The following CHST11 variants were observed in gnomAD, a reference collection of about 807,000 sequenced individuals.
CHST11 encodes C4S-1.
In CHST11, 9 loss-of-function variants were observed where a neutral mutation model predicts 30.4. The observed-to-expected ratio is 0.30, with a 90% confidence interval of 0.18 to 0.52. The LOEUF (loss-of-function observed/expected upper bound fraction) is 0.52. Among genes scored for constraint, CHST11 ranks in the 20% least tolerant of loss-of-function variants. The probability of loss-of-function intolerance (pLI) is 0.97; values close to 1 mark genes in which losing one functional copy is unlikely to be tolerated. For missense variants in CHST11, 348 were observed against 460.6 expected, an observed-to-expected ratio of 0.76 and a Z score of 2.24; for synonymous variants, 152 against 187.8, an observed-to-expected ratio of 0.81 and a Z score of 1.56.
chr12:104,556,348 C>T (rs1162318532), intron 1 of CHST11, among the ~76,000 whole-genome samples: 1 of 152,036 alleles, frequency 6.6e-6, no homozygotes, highest in Non-Finnish European at 1.5e-5. Context: ...GAAGAGGATC[C>T]CTGTGATCCT....
At chr12:104,691,489 A>ATT (rs527650779) in intron 2 of CHST11, among the ~76,000 whole-genome samples, 1,948 of 137,110 alleles carry the variant, frequency 0.014, 50 homozygotes, top group African/African-American at 0.049. Flanking sequence ...TAGAGGCACA[A>ATT]TTTTTTTTTT....
intron 2 of CHST11, among the ~76,000 whole-genome samples, chr12:104,684,264 A>G (rs984005511): frequency 1.6e-4 from 7 of 43,228 alleles, no homozygotes; most frequent in Admixed American, 1.3e-3. Flanking sequence ...ATGTGGATGG[A>G]TGGATGGATG....
chr12:104,591,416 C>T (rs942518213), intron 1 of CHST11, among the ~76,000 whole-genome samples: 5 of 151,722 alleles, frequency 3.3e-5, no homozygotes, highest in African/African-American at 9.7e-5. Context: ...TGTACCAGGG[C>T]GGTGAGGACA....
intron 1 of CHST11, among the ~76,000 whole-genome samples, chr12:104,480,054 CAG>C (rs1243996343): frequency 6.6e-6 from 1 of 152,168 alleles, no homozygotes; most frequent in East Asian, 1.9e-4. Flanking sequence ...TAAAGGAAGA[CAG>C]AGAATGGATA....
At chr12:104,534,838 C>T (rs1305114583) in intron 1 of CHST11, among the ~76,000 whole-genome samples, 2 of 152,198 alleles carry the variant, frequency 1.3e-5, no homozygotes, top group Non-Finnish European at 2.9e-5. Flanking sequence ...AATGTAAGGG[C>T]TAGAAATCTT....
chr12:104,708,696 G>A (rs2040058412), intron 2 of CHST11, among the ~76,000 whole-genome samples: 1 of 152,156 alleles, frequency 6.6e-6, no homozygotes, highest in Admixed American at 6.5e-5. Flanking sequence ...CCCTCTGACA[G>A]GGACGCTCTC....
intron 2 of CHST11, among the ~76,000 whole-genome samples, chr12:104,712,448 C>T (rs1257531686): frequency 1.3e-5 from 2 of 152,146 alleles, no homozygotes; most frequent in East Asian, 1.9e-4. Flanking sequence ...CTTCTTTACA[C>T]GTGAGGACAT....
intron 2 of CHST11, among the ~76,000 whole-genome samples, chr12:104,623,906 C>T (rs112634655): frequency 2.0e-5 from 3 of 152,170 alleles, no homozygotes; most frequent in African/African-American, 2.4e-5. Context: ...TGATGTTTCT[C>T]TAGCCACGAA....
intron 1 of CHST11, among the ~76,000 whole-genome samples, chr12:104,574,182 A>G: frequency 6.6e-6 from 1 of 152,236 alleles, no homozygotes; most frequent in Non-Finnish European, 1.5e-5. Context: ...CACCAGTTAG[A>G]ATGGCAATCA....
At chr12:104,555,988 C>T (rs550298919) in intron 1 of CHST11, among the ~76,000 whole-genome samples, 74 of 152,212 alleles carry the variant, frequency 4.9e-4, no homozygotes, top group Admixed American at 9.8e-4. Context: ...GGGCAGCTCT[C>T]CTGAATCAGA....
chr12:104,554,536 C>T (rs571352831), intron 1 of CHST11, among the ~76,000 whole-genome samples: 30 of 152,240 alleles, frequency 2.0e-4, no homozygotes, highest in Admixed American at 1.2e-3. Flanking sequence ...TCCCCAGCTG[C>T]GTAAAGCAAG....
chr12:104,644,634 G>T (rs2039408439), intron 2 of CHST11, among the ~76,000 whole-genome samples: 1 of 152,260 alleles, frequency 6.6e-6, no homozygotes, highest in Non-Finnish European at 1.5e-5. Flanking sequence ...GATGAAGAGG[G>T]TCAGGTTTGG....
At chr12:104,497,482 G>T (rs1389308098) in intron 1 of CHST11, among the ~76,000 whole-genome samples, 1 of 152,160 alleles carries the variant, frequency 6.6e-6, no homozygotes, top group Non-Finnish European at 1.5e-5. Context: ...AAATTCTGTT[G>T]TGAAAGCCAC....
intron 2 of CHST11, among the ~76,000 whole-genome samples, chr12:104,731,708 C>T (rs959241433): frequency 6.6e-6 from 1 of 152,204 alleles, no homozygotes; most frequent in South Asian, 2.1e-4. Context: ...TGAAAGGATT[C>T]GGGGTATAAT....
At chr12:104,534,383 C>T (rs1444866939) in intron 1 of CHST11, among the ~76,000 whole-genome samples, 1 of 152,194 alleles carries the variant, frequency 6.6e-6, no homozygotes, top group African/African-American at 2.4e-5. Context: ...TAGCCTCTTC[C>T]TCCTTCTTCC....
At position 104,458,473 on chromosome 12, in the gene CHST11, A is replaced by G. The variant is rs1252639216; in HGVS notation, c.118+944A>G. Among the ~76,000 whole-genome samples the G allele has an allele frequency of 6.6e-6, 1 of 151,976 alleles. No individual in the cohort carries two copies. The highest frequency in any genetic ancestry group is 2.4e-5 in the African/African-American group (1 of 41,382). ...GGAGGGACGAGGCTCGTCGCTTCCT[A>G]GGGGTGCGAGGGAAAGTTTGGGTTC... On this transcript the variant is annotated intron_variant, in intron 1 of 2. Transcript: ENST00000303694. The surrounding 1 kb of genome is among the most constrained non-coding windows in gnomAD (Gnocchi z 5.7).
chr12:104,724,741 C>A (rs1055817405), intron 2 of CHST11, among the ~76,000 whole-genome samples: 1 of 152,116 alleles, frequency 6.6e-6, no homozygotes, highest in African/African-American at 2.4e-5. Flanking sequence ...CCTTACAGAG[C>A]ATTTGAGATC....
intron 1 of CHST11, among the ~76,000 whole-genome samples, chr12:104,497,513 A>G (rs571929545): frequency 1.3e-5 from 2 of 152,312 alleles, no homozygotes; most frequent in South Asian, 4.1e-4. Flanking sequence ...GTATTTTGTT[A>G]TGGCAGCCCA....
chr12:104,688,547 A>G (rs1319834580), intron 2 of CHST11, among the ~76,000 whole-genome samples: 1 of 152,244 alleles, frequency 6.6e-6, no homozygotes, highest in Non-Finnish European at 1.5e-5. Context: ...TTGTTTTGCT[A>G]GAAACATAAA....
Sources: allele counts gnomAD v4.1 joint callset (sites outside exome capture counted in the v4.1 genomes callset), GRCh38; gene constraint gnomAD v4.1.1; non-coding constraint Gnocchi (gnomAD v3.1); transcripts MANE v1.5; gene names NCBI Gene and HGNC (gene_info 2026-07-23, HGNC 2026-07-21).